The following AKR1C3 variants were observed in gnomAD, a reference collection of about 807,000 sequenced individuals.
AKR1C3 encodes the protein aldo-keto reductase family 1 member C3.
A neutral mutation model predicts 43.6 loss-of-function variants in AKR1C3; 48 were observed. The observed-to-expected ratio is 1.10, with a 90% CI of 0.87 to 1.40. AKR1C3 has a LOEUF of 1.40. Ranked by LOEUF, AKR1C3 falls within the 40% of genes most tolerant of loss-of-function variation. The pLI, the probability that AKR1C3 is intolerant of heterozygous loss-of-function variation, is 0.00. For synonymous variants in AKR1C3, 162 were observed against 139.6 expected (o/e 1.16, Z -1.13); for missense variants, 482 against 391.2 (o/e 1.23, Z -1.96).
At chr10:5,092,822 G>A (rs1020347629), upstream of AKR1C3, among the ~76,000 whole-genome samples, 1 of 151,634 alleles carries the variant, frequency 6.6e-6, no homozygotes, top group South Asian at 2.1e-4. Flanking sequence ...CTGTCAACTC[G>A]TTTTCTTTCT....
chr10:5,085,734 T>G (rs1838951014), intron 1 of AKR1C3, among the ~76,000 whole-genome samples: 1 of 151,934 alleles, frequency 6.6e-6, no homozygotes, highest in Non-Finnish European at 1.5e-5. Context: ...AAGCTATTGA[T>G]TATTGCCTCA....
intron 1 of AKR1C3, among the ~76,000 whole-genome samples, chr10:5,076,416 C>T (rs1308175681): frequency 6.6e-6 from 1 of 152,112 alleles, no homozygotes; most frequent in African/African-American, 2.4e-5. Flanking sequence ...CTCTCTCTCT[C>T]TCTCTCCACT....
intron 1 of AKR1C3, among the ~76,000 whole-genome samples, chr10:5,076,131 T>C (rs1426047023): frequency 6.6e-6 from 1 of 152,218 alleles, no homozygotes; most frequent in East Asian, 1.9e-4. Context: ...AATAAGATGA[T>C]GTAACAGTAG....
intron 1 of AKR1C3, among the ~76,000 whole-genome samples, chr10:5,089,413 A>G (rs1839038357): frequency 6.6e-6 from 1 of 152,104 alleles, no homozygotes; most frequent in South Asian, 2.1e-4. Flanking sequence ...ATATAATCCC[A>G]TATTTCTCAA....
chr10:5,100,549 T>C (rs529903194), intron 5 of AKR1C3, among the ~76,000 whole-genome samples: 2 of 152,320 alleles, frequency 1.3e-5, no homozygotes, highest in East Asian at 1.9e-4. Context: ...CTTGATCAAA[T>C]TGACTTCCCC....
chr10:5,083,359 A>G (rs1362754209), intron 1 of AKR1C3, among the ~76,000 whole-genome samples: 1 of 152,114 alleles, frequency 6.6e-6, no homozygotes, highest in Non-Finnish European at 1.5e-5. Flanking sequence ...TAGTTGGCTG[A>G]GAATGATGGT....
chr10:5,085,942 T>G (rs1351320935), intron 1 of AKR1C3, among the ~76,000 whole-genome samples: 23 of 152,020 alleles, frequency 1.5e-4, no homozygotes, highest in Middle Eastern at 3.4e-3. Context: ...CATTTTTTAT[T>G]GCGTCTATTT....
intron 1 of AKR1C3, chr10:5,096,187 C>A: frequency 2.2e-6 from 1 of 460,286 alleles, no homozygotes; most frequent in Non-Finnish European, 3.8e-6. Flanking sequence ...TATTTGGTAC[C>A]TCCATAACAG....
chr10:5,062,859 A>G (rs1838409338), intron 1 of AKR1C3, among the ~76,000 whole-genome samples: 1 of 151,416 alleles, frequency 6.6e-6, no homozygotes, highest in African/African-American at 2.4e-5. Context: ...CTAGTTAAAA[A>G]AAAAAAAAAA....
At chr10:5,049,862 C>T (rs993706406) in intron 1 of AKR1C3, among the ~76,000 whole-genome samples, 1 of 152,156 alleles carries the variant, frequency 6.6e-6, no homozygotes, top group Admixed American at 6.5e-5. Flanking sequence ...ATATATGTAA[C>T]TATAGGTTGA....
chr10:5,060,873 G>T (rs532875369), intron 1 of AKR1C3, among the ~76,000 whole-genome samples: 2 of 152,224 alleles, frequency 1.3e-5, no homozygotes, highest in Admixed American at 1.3e-4. Flanking sequence ...GAGCACAGCA[G>T]CTGCTGGCCC....
rs12529 is a variant in AKR1C3, at chr10:5,094,459, C to G, written c.15C>G (p.His5Gln). 701,250 of 1,611,454 alleles carry G rather than the reference C, an allele frequency of 0.44. 162,669 individuals are homozygous for G. Among genetic ancestry groups the G allele is most frequent in the East Asian group, 0.88 (39,375 of 44,816 alleles). Residue 5 changes from histidine (H) to glutamine (Q), a missense_variant, in exon 1 of 9, where the codon CAC (histidine) becomes CAG (glutamine). His to Gln is a conservative substitution (Grantham distance 24). Coordinates refer to ENST00000380554, the MANE Select transcript of AKR1C3 (RefSeq NM_003739.6). MDSK[H>Q]QCVKLNDGHF... ...AGTGACAGGGAATGGATTCCAAACA[C>G]CAGTGTGTAAAGCTAAATGATGGCC...
intron 1 of AKR1C3, among the ~76,000 whole-genome samples, chr10:5,056,781 A>G (rs546578640): frequency 6.6e-6 from 1 of 152,280 alleles, no homozygotes; most frequent in East Asian, 1.9e-4. Flanking sequence ...TGCCTCCCTA[A>G]TAAGGATGTG....
At chr10:5,065,648 G>A (rs371026633) in intron 1 of AKR1C3, among the ~76,000 whole-genome samples, 1 of 152,352 alleles carries the variant, frequency 6.6e-6, no homozygotes. Flanking sequence ...GAATTTGTGG[G>A]AGTTTAAATA....
chr10:5,097,770 C>G (rs975094272), intron 3 of AKR1C3: 1 of 1,299,536 alleles, frequency 7.7e-7, no homozygotes. Context: ...AACCTCAAAG[C>G]CTCTTCCTCA....
chr10:5,068,090 TTTGA>T (rs1838545291), intron 1 of AKR1C3, among the ~76,000 whole-genome samples: 1 of 152,216 alleles, frequency 6.6e-6, no homozygotes, highest in African/African-American at 2.4e-5. Context: ...TTTCTTGGTA[TTTGA>T]TTAATTTTTT....
chr10:5,098,863 T>G lies in AKR1C3; in HGVS notation c.431T>G (p.Leu144Arg), dbSNP rs782686793. Residue 144 changes from leucine to arginine, a missense_variant, in exon 4 of 9, where the codon CTC becomes CGC. By Grantham distance (102) the Leu-to-Arg change is moderately radical (BLOSUM62 -2). Coordinates refer to ENST00000380554, the MANE Select transcript of AKR1C3 (RefSeq NM_003739.6). Reference sequence around the variant, plus strand: ...AAAGTAATATTTGACATAGTGGATCTCTGTACCACCTGGGAGGTGAGTGCT... The same window carrying G: ...AAAGTAATATTTGACATAGTGGATCGCTGTACCACCTGGGAGGTGAGTGCT... ...NGKVIFDIVD[L>R]CTTWEAMEKC... The G allele has an allele frequency of 6.2e-7, 1 of 1,613,522 alleles. No individual in the cohort carries two copies. Among genetic ancestry groups the G allele is most frequent in the Admixed American group, 1.7e-5 (1 of 59,968 alleles).
chr10:5,085,696 A>G (rs552530109), intron 1 of AKR1C3, among the ~76,000 whole-genome samples: 1 of 151,974 alleles, frequency 6.6e-6, no homozygotes, highest in Middle Eastern at 3.4e-3. Flanking sequence ...CTGTGAATCC[A>G]TCTGGTCCTG....
chr10:5,089,818 C>A (rs782320333), upstream of AKR1C3, among the ~76,000 whole-genome samples: 35 of 152,210 alleles, frequency 2.3e-4, no homozygotes, highest in Non-Finnish European at 2.2e-4. Flanking sequence ...TTTTATGGTG[C>A]AAGAATTCTT....
Sources: gnomAD v4.1 joint callset for allele counts (sites outside exome capture counted in the v4.1 genomes callset) on GRCh38, gnomAD v4.1.1 for gene constraint, MANE v1.5 for transcripts, NCBI Gene and HGNC (gene_info 2026-07-23, HGNC 2026-07-21) for gene names.